The following CHN2 variants were observed in gnomAD, a reference collection of about 807,000 sequenced individuals.
The protein encoded by CHN2 is beta-chimaerin.
CHN2 carries 35 observed loss-of-function variants against 56.3 expected under a neutral mutation model. That is an observed-to-expected ratio of 0.62 (90% CI 0.47 to 0.82). The LOEUF is 0.82. Among genes scored for constraint, CHN2 ranks in the 40% least tolerant of loss-of-function variants. The pLI is 0.00. For missense variants in CHN2, 491 were observed against 580.5 expected, an observed-to-expected ratio of 0.85 and a Z score of 1.58; for synonymous variants, 210 against 212.8, an observed-to-expected ratio of 0.99 and a Z score of 0.12.
At chr7:29,340,995 G>C (rs1797013059) in intron 1 of CHN2, among the ~76,000 whole-genome samples, 1 of 152,124 alleles carries the variant, frequency 6.6e-6, no homozygotes, top group Non-Finnish European at 1.5e-5. Context: ...TTCCCACCAG[G>C]AGAGCGCTTA....
chr7:29,474,201 AT>A (rs1786397702), intron 6 of CHN2, among the ~76,000 whole-genome samples: 1 of 152,216 alleles, frequency 6.6e-6, no homozygotes, highest in South Asian at 2.1e-4. Context: ...AAATCTTCTC[AT>A]CATTAAATGT....
At chr7:29,215,569 A>G (rs576167710) in intron 1 of CHN2, among the ~76,000 whole-genome samples, 1 of 152,242 alleles carries the variant, frequency 6.6e-6, no homozygotes, top group Non-Finnish European at 1.5e-5. Context: ...CTGAGTTACA[A>G]TTTTATGTTC....
intron 3 of CHN2, among the ~76,000 whole-genome samples, chr7:29,390,454 G>C (rs10228896): frequency 0.05 from 7,617 of 152,234 alleles, 253 homozygotes; most frequent in South Asian, 0.086. Flanking sequence ...TGGCAGGGAA[G>C]CTCCAGAACC....
intron 1 of CHN2, among the ~76,000 whole-genome samples, chr7:29,230,295 G>A (rs1786569719): frequency 6.6e-6 from 1 of 152,180 alleles, no homozygotes; most frequent in African/African-American, 2.4e-5. Flanking sequence ...AAAATTCGTT[G>A]TAAAAATAAC....
At chr7:29,216,653 G>A (rs1044713418) in intron 1 of CHN2, among the ~76,000 whole-genome samples, 2 of 152,124 alleles carry the variant, frequency 1.3e-5, no homozygotes, top group Admixed American at 1.3e-4. Context: ...GATAACGGAT[G>A]CTTTAAATTT....
rs1393212654 is a variant in CHN2 at position 29,504,766 on chromosome 7, CAG to C, written c.939_940del (p.Arg313SerfsTer6). 1 of 1,611,772 alleles carries C rather than the reference CAG, an allele frequency of 6.2e-7. No individual in the cohort carries two copies. Among genetic ancestry groups the C allele is most frequent in the Admixed American group, 1.7e-5 (1 of 59,900 alleles). Reference protein sequence around the residue: ...ARGLKSEGLYRVSGFTEHIED... With the variant: ...ARGLKSEGLYXVSGFTEHIED... The stretch of plus-strand genomic sequence containing the variant: ...CAGGATTAAAATCGGAAGGCCTTTA[CAG>C]AGTCTCTGGGTTCACTGAACACATT... On this transcript the variant is annotated frameshift_variant, in exon 10 of 13. Transcript: ENST00000222792. LOFTEE classifies it high-confidence loss of function.
chr7:29,459,153 G>A (rs773108548), intron 6 of CHN2, among the ~76,000 whole-genome samples: 19 of 152,198 alleles, frequency 1.2e-4, no homozygotes, highest in Non-Finnish European at 2.4e-4. Context: ...TGGGTCAGGG[G>A]TCAGATTCTC....
At chr7:29,379,361 A>G (rs1176225316) in intron 3 of CHN2, among the ~76,000 whole-genome samples, 1 of 152,226 alleles carries the variant, frequency 6.6e-6, no homozygotes, top group Non-Finnish European at 1.5e-5. Context: ...ACATCTGAAC[A>G]TGGAAGCTAA....
At chr7:29,394,115 G>A (rs536298240) in intron 4 of CHN2, among the ~76,000 whole-genome samples, 168 of 152,220 alleles carry the variant, frequency 1.1e-3, no homozygotes, top group African/African-American at 3.9e-3. Flanking sequence ...CCTCGGTGCG[G>A]TGGTCAGGAT....
chr7:29,181,429 A>T lies in CHN2; in HGVS notation c.274+34469A>T, dbSNP rs571812321. Reference sequence around the variant, plus strand: ...CAATCAAGCCTAAGAAAATAAACAGAAAGGCACATATAGATTTATGTGTAA... The same window carrying T: ...CAATCAAGCCTAAGAAAATAAACAGTAAGGCACATATAGATTTATGTGTAA... On this transcript the variant is annotated intron_variant, in intron 2 of 6. Transcript: ENST00000439384. 6 of 152,346 alleles carry T rather than the reference A, an allele frequency of 3.9e-5. No individual in the cohort carries two copies. The South Asian group carries it at 1.2e-3, about 32-fold the overall frequency. The allele number at this position is 152,346 out of a possible 1,614,324, so 9.4% of individuals were successfully genotyped here.
intron 6 of CHN2, among the ~76,000 whole-genome samples, chr7:29,451,336 G>T (rs1784387946): frequency 6.6e-6 from 1 of 152,112 alleles, no homozygotes; most frequent in Non-Finnish European, 1.5e-5. Flanking sequence ...GCTTGTAATG[G>T]CATTAGGACC....
At chr7:29,474,383 A>AAAAG (rs1786415783) in intron 6 of CHN2, among the ~76,000 whole-genome samples, 1 of 152,232 alleles carries the variant, frequency 6.6e-6, no homozygotes, top group African/African-American at 2.4e-5. Context: ...CTTAGTCTGA[A>AAAAG]GACCTTTTCA....
intron 6 of CHN2, among the ~76,000 whole-genome samples, chr7:29,457,211 G>A (rs1784831918): frequency 6.6e-6 from 1 of 152,114 alleles, no homozygotes; most frequent in Non-Finnish European, 1.5e-5. Flanking sequence ...CTTCCTTCAG[G>A]CTGTACCTCC....
chr7:29,407,628 T>C (rs985993356), intron 6 of CHN2, among the ~76,000 whole-genome samples: 2 of 152,160 alleles, frequency 1.3e-5, no homozygotes, highest in Admixed American at 1.3e-4. Flanking sequence ...TTAGCTATTA[T>C]AGTAGGTGAC....
intron 4 of CHN2, chr7:29,397,341 A>C (rs928281268): frequency 3.3e-5 from 5 of 152,234 alleles, no homozygotes; most frequent in Admixed American, 6.5e-5. Context: ...AAACAAAAGA[A>C]AATTTGTCTA....
At chr7:29,341,219 G>A (rs189062033) in intron 1 of CHN2, among the ~76,000 whole-genome samples, 7 of 150,600 alleles carry the variant, frequency 4.6e-5, no homozygotes, top group African/African-American at 1.2e-4. Context: ...CCTCCTTCAC[G>A]TGTGGAGGTA....
chr7:29,200,044 A>G (rs1450618335), intron 1 of CHN2: 1 of 152,220 alleles, frequency 6.6e-6, no homozygotes. Context: ...GCAACTGGAC[A>G]TTTGGTTTGG....
At chr7:29,435,272 GA>G (rs1783136652) in intron 6 of CHN2, among the ~76,000 whole-genome samples, 1 of 152,210 alleles carries the variant, frequency 6.6e-6, no homozygotes, top group African/African-American at 2.4e-5. Flanking sequence ...TTGGGCTCTG[GA>G]CCAGAGACCA....
intron 7 of CHN2, among the ~76,000 whole-genome samples, 196 bp from the exon 8 acceptor site, chr7:29,495,756 G>A (rs1258820178): frequency 1.3e-5 from 2 of 152,130 alleles, no homozygotes; most frequent in Non-Finnish European, 1.5e-5. Context: ...CTCTGTCCTG[G>A]GGCATGGTGG....
Sources: allele counts gnomAD v4.1 joint callset (sites outside exome capture counted in the v4.1 genomes callset), GRCh38; gene constraint gnomAD v4.1.1; transcripts MANE v1.5; gene names NCBI Gene and HGNC (gene_info 2026-07-23, HGNC 2026-07-21).